NFATC2: variants seen among roughly 807,000 people sequenced by gnomAD.
NFATC2 encodes nuclear factor of activated T cells 2.
NFATC2 carries 22 observed loss-of-function variants against 87.3 expected under a neutral mutation model. The observed-to-expected ratio is 0.25, with a 90% CI of 0.18 to 0.36. The LOEUF is 0.36. Among genes scored for constraint, NFATC2 ranks in the 10% least tolerant of loss-of-function variants. NFATC2 has a pLI of 1.00. For synonymous variants in NFATC2, 565 were observed against 542.2 expected, an observed-to-expected ratio of 1.04 and a Z score of -0.58; for missense variants, 1,149 against 1,259.1, an observed-to-expected ratio of 0.91 and a Z score of 1.32.
chr20:51,399,988 TC>T (rs921050978), intron 9 of NFATC2, among the ~76,000 whole-genome samples: 7 of 152,062 alleles, frequency 4.6e-5, no homozygotes, highest in African/African-American at 1.7e-4. Context: ...TCACCCCTCC[TC>T]CCCGTGTCTC....
In NFATC2 at chr20:51,398,165, TGAGTGGAGGGAATCAG is replaced by T. The variant is rs543432710; in HGVS notation, c.*44+462_*44+477del. On this transcript the variant is annotated intron_variant, in intron 10 of 10. Coordinates refer to ENST00000371564, the MANE Select transcript of NFATC2 (RefSeq NM_012340.5). ...AGCCCCCCGGGAGGAGCTGAAACCT[TGAGTGGAGGGAATCAG>T]GATTGGAAATGACCTAAGCACAGGG... 4.0e-3 allele frequency among the ~76,000 whole-genome samples: 609 copies of T among 152,220 alleles called. 3 individuals carry two copies. The highest frequency in any genetic ancestry group is 0.014 in the African/African-American group (588 of 41,534).
chr20:51,472,928 C>T (rs6021227), intron 5 of NFATC2, among the ~76,000 whole-genome samples: 63,650 of 152,014 alleles, frequency 0.42, 13,862 homozygotes, highest in African/African-American at 0.51. Context: ...GCCTCTTCTT[C>T]ATGCTTTCTA....
chr20:51,490,381 C>T (rs2075862173), intron 3 of NFATC2, among the ~76,000 whole-genome samples: 1 of 152,222 alleles, frequency 6.6e-6, no homozygotes, highest in South Asian at 2.1e-4. Flanking sequence ...CTCTTGACAA[C>T]TATACGATCT....
At chr20:51,540,647 GT>G (rs375172598) in intron 1 of NFATC2, among the ~76,000 whole-genome samples, 16 of 112,972 alleles carry the variant, frequency 1.4e-4, no homozygotes, top group Non-Finnish European at 1.8e-4. Context: ...AAAAACTGAA[GT>G]TTTTTTTTTG....
chr20:51,509,174 G>A (rs754179174), intron 3 of NFATC2, among the ~76,000 whole-genome samples: 21 of 152,110 alleles, frequency 1.4e-4, no homozygotes, highest in Non-Finnish European at 2.8e-4. Context: ...GGCTTTCCCA[G>A]GGAGATCCAT....
Position 51,561,468 on chromosome 20 carries a change from AAAGAAAGAAAGAAAGAAAGCAAGCAAGC to A in NFATC2, c.70+1064_70+1091del, listed in dbSNP as rs1199948947. 2.6e-3 allele frequency among the ~76,000 whole-genome samples: 356 copies of A among 137,502 alleles called. 2 individuals are homozygous for A. Among genetic ancestry groups the A allele is most frequent in the African/African-American group, 8.0e-3 (293 of 36,632 alleles). The allele number at this position is 137,502 out of a possible 152,430, so 90.2% of individuals were successfully genotyped here. A position where few individuals can be genotyped will look rare whatever the true frequency, so the allele number is the denominator to read the frequency against. ...GAAAGAAAGAAAGAAAGAAAGAAAG[AAAGAAAGAAAGAAAGAAAGCAAGCAAGC>A]AAGCAAGCAAGCAAGCAAGCAAGCA... is the stretch of plus-strand genomic sequence containing the variant. On this transcript the variant is annotated intron_variant, in intron 1 of 10. Transcript: ENST00000414705.
At chr20:51,435,973 G>C (rs1337550979) in intron 6 of NFATC2, among the ~76,000 whole-genome samples, 1 of 152,076 alleles carries the variant, frequency 6.6e-6, no homozygotes, top group African/African-American at 2.4e-5. Context: ...AGAAAACAAG[G>C]CAACATTGTC....
At chr20:51,461,509 G>C (rs980072778) in intron 5 of NFATC2, among the ~76,000 whole-genome samples, 5 of 152,140 alleles carry the variant, frequency 3.3e-5, no homozygotes, top group South Asian at 4.1e-4. Flanking sequence ...AAGTGGCTTG[G>C]GGGGGCTCTT....
intron 3 of NFATC2, among the ~76,000 whole-genome samples, chr20:51,496,734 G>C (rs2075994950): frequency 6.6e-6 from 1 of 152,146 alleles, no homozygotes; most frequent in Non-Finnish European, 1.5e-5. Flanking sequence ...GCAGAACCAG[G>C]ATTCAAACCC....
At chr20:51,416,513 C>T (rs998658559) in intron 9 of NFATC2, among the ~76,000 whole-genome samples, 4 of 152,068 alleles carry the variant, frequency 2.6e-5, no homozygotes, top group African/African-American at 7.2e-5. Flanking sequence ...ATAAAGGGCC[C>T]GTTCAAATCT....
At chr20:51,530,435 C>T (rs1055520382) in intron 1 of NFATC2, among the ~76,000 whole-genome samples, 8 of 152,170 alleles carry the variant, frequency 5.3e-5, no homozygotes, top group Admixed American at 5.2e-4. Flanking sequence ...TGCCAAAGTG[C>T]TGGGATTACA....
intron 1 of NFATC2, among the ~76,000 whole-genome samples, chr20:51,526,169 C>T (rs1292074853): frequency 6.6e-6 from 1 of 152,134 alleles, no homozygotes; most frequent in Non-Finnish European, 1.5e-5. Context: ...CTGACGCCTG[C>T]TAACAGCTCC....
In NFATC2 at chr20:51,524,801, A is replaced by G. The variant is rs988054936; in HGVS notation, c.131-691T>C. Among the ~76,000 whole-genome samples, 2 of 152,098 alleles carry G rather than the reference A, an allele frequency of 1.3e-5. No individual in the cohort carries two copies. The highest frequency in any genetic ancestry group is 4.8e-5 in the African/African-American group (2 of 41,410). ...TACAAATGAGGAAACTGAGGCCCAG[A>G]GCGGGGAAAAGGCCCACCGAAAGAT... On this transcript the variant is annotated intron_variant, in intron 1 of 10. Coordinates refer to ENST00000371564, the MANE Select transcript of NFATC2 (RefSeq NM_012340.5). The surrounding 1 kb of genome is among the most constrained non-coding windows in gnomAD (Gnocchi z 4.0).
chr20:51,460,840 T>G (rs372677940), intron 5 of NFATC2, among the ~76,000 whole-genome samples: 1 of 152,180 alleles, frequency 6.6e-6, no homozygotes, highest in African/African-American at 2.4e-5. Flanking sequence ...TAGCAGAATC[T>G]TCCCCCAGCA....
intron 1 of NFATC2, among the ~76,000 whole-genome samples, chr20:51,553,286 G>A (rs1295752731): frequency 6.6e-6 from 1 of 152,102 alleles, no homozygotes; most frequent in Non-Finnish European, 1.5e-5. Flanking sequence ...CCTTCCACCT[G>A]GTCCCCGCAC....
At chr20:51,505,583 G>A (rs1211222392) in intron 3 of NFATC2, among the ~76,000 whole-genome samples, 6 of 151,930 alleles carry the variant, frequency 3.9e-5, no homozygotes, top group African/African-American at 7.3e-5. Flanking sequence ...ATAGGCCCCC[G>A]CTAAGCTGTG....
upstream of NFATC2, chr20:51,562,701 C>G: frequency 2.8e-6 from 4 of 1,432,168 alleles, no homozygotes; most frequent in Non-Finnish European, 3.8e-6. This position sits in a 1 kb window ranked among gnomAD's most constrained non-coding sequence, Gnocchi z 5.8. Context: ...GCCGAGGGGA[C>G]GCCGTCTTCT....
intron 3 of NFATC2, among the ~76,000 whole-genome samples, chr20:51,503,223 T>C (rs1385488684): frequency 2.0e-5 from 3 of 152,190 alleles, no homozygotes; most frequent in Non-Finnish European, 4.4e-5. Flanking sequence ...TTTCAAATTG[T>C]GCACCATGTG....
Position 51,523,212 on chromosome 20 carries a change from G to C in NFATC2, c.1029C>G (p.Arg343=), listed in dbSNP as rs1202316586. The change falls in exon 2 of 11, where the codon CGC becomes CGG. Residue 343 remains arginine, a synonymous_variant. Transcript: ENST00000371564. The surrounding 1 kb of genome is among the most constrained non-coding windows in gnomAD (Gnocchi z 6.9). The part of the protein sequence containing the change: ...SAAPSKAGLP[R]HIYPAVEFLG... ...GGAACTCCACGGCCGGGTAGATGTG[G>C]CGAGGCAGGCCGGCCTTGGATGGGG... is the stretch of plus-strand genomic sequence containing the variant. 6.2e-7 allele frequency: 1 copy of C among 1,613,896 alleles called. No homozygotes were observed. The highest frequency in any genetic ancestry group is 8.5e-7 in the Non-Finnish European group (1 of 1,179,930).
Sources: allele counts gnomAD v4.1 joint callset (sites outside exome capture counted in the v4.1 genomes callset), GRCh38; gene constraint gnomAD v4.1.1; non-coding constraint Gnocchi (gnomAD v3.1); transcripts MANE v1.5; gene names NCBI Gene and HGNC (gene_info 2026-07-23, HGNC 2026-07-21).